CWH43: variants seen among roughly 807,000 people sequenced by gnomAD.
CWH43 encodes the protein PGAP2-interacting protein.
In CWH43, 91 loss-of-function variants were observed where a neutral mutation model predicts 85.7. The ratio of observed to expected loss-of-function variants is 1.06; its 90% CI spans 0.90 to 1.26. The LOEUF is 1.26. Ranked by LOEUF, CWH43 falls within the 50% of genes most tolerant of loss-of-function variation. The pLI is 0.00. For synonymous variants in CWH43, 323 were observed against 293.6 expected, an observed-to-expected ratio of 1.10 and a Z score of -1.02; for missense variants, 869 against 839.2, an observed-to-expected ratio of 1.04 and a Z score of -0.44.
rs557253382 is a variant in CWH43 at position 48,986,588 on chromosome 4, G to T, written c.43+116G>T. The T allele has an allele frequency of 2.0e-4, 301 of 1,515,548 alleles. 3 individuals carry two copies. In the East Asian group the frequency reaches 7.6e-3, roughly 38 times the overall value. 93.9% of individuals were successfully genotyped at this position (1,515,548 alleles called of 1,614,324 possible). A position where few individuals can be genotyped will look rare whatever the true frequency, so the allele number is the denominator to read the frequency against. On this transcript the variant is annotated intron_variant, in intron 1 of 15. Transcript: ENST00000226432. ...AGGTAGGAGGAAAAGGGCGCTCCGT[G>T]CCCAGAGTGGAGATGCTTATCGTCC... is the stretch of plus-strand genomic sequence containing the variant.
In CWH43 at chr4:49,017,306, A is replaced by G; in HGVS notation, c.1244A>G (p.Tyr415Cys). 1.9e-6 allele frequency: 3 copies of G among 1,611,748 alleles called. No individual in the cohort carries two copies. The highest frequency in any genetic ancestry group is 2.5e-6 in the Non-Finnish European group (3 of 1,178,540). The change falls in exon 9 of 16, where the codon TAT becomes TGT. Residue 415 changes from tyrosine (Y) to cysteine (C), a missense_variant. Physicochemically the swap from Tyr to Cys is radical, Grantham distance 194. Coordinates refer to ENST00000226432, the MANE Select transcript of CWH43 (RefSeq NM_025087.3). ...GGATTAGGACTACGGCATAAAGCCT[A>G]TGAGAGAAAACTGGGCAAAGTGGTA... Reference protein sequence around the residue: ...LLGLGLRHKAYERKLGKVAPT... With the variant: ...LLGLGLRHKACERKLGKVAPT...
intron 15 of CWH43, among the ~76,000 whole-genome samples, chr4:49,051,194 T>C (rs1784785682): frequency 6.6e-6 from 1 of 152,196 alleles, no homozygotes; most frequent in South Asian, 2.1e-4. Context: ...TTTTGTGTTG[T>C]CTCAATTAAT....
rs1397902689 is a variant in CWH43, at chr4:49,044,808, A to G, written c.1826A>G (p.Asp609Gly). The change falls in exon 14 of 16, where the codon GAC (aspartate) becomes GGC (glycine). Residue 609 changes from aspartate (D) to glycine (G), a missense_variant. Physicochemically the swap from Asp to Gly is moderately conservative, Grantham distance 94. This residue lies in a region of CWH43 where 577 missense variants were observed against 513.1 expected (regional missense o/e 1.12). Transcript: ENST00000226432. The part of the protein sequence containing the change: ...NVKDIDSTDH[D>G]RWCEYIMYRG... ...TAGGATATCGACAGCACTGATCATG[A>G]CAGATGGTGTGAATACATTATGTAT... The G allele has an allele frequency of 1.2e-6, 2 of 1,613,318 alleles. No individual in the cohort carries two copies. Among genetic ancestry groups the G allele is most frequent in the Non-Finnish European group, 1.7e-6 (2 of 1,179,508 alleles).
At chr4:49,027,048 G>T (rs1208336044) in intron 9 of CWH43, among the ~76,000 whole-genome samples, 6 of 152,210 alleles carry the variant, frequency 3.9e-5, no homozygotes, top group Non-Finnish European at 8.8e-5. Flanking sequence ...AGTGCCTCAA[G>T]CAGGAGAGTG....
At chr4:48,998,723 C>T (rs1429368701) in intron 6 of CWH43, among the ~76,000 whole-genome samples, 175 bp downstream of exon 6, 1 of 152,098 alleles carries the variant, frequency 6.6e-6, no homozygotes. Context: ...CCGGTGACTA[C>T]CTGCTCTGAG....
chr4:49,011,169 G>A (rs1290632132), intron 8 of CWH43, among the ~76,000 whole-genome samples: 2 of 152,122 alleles, frequency 1.3e-5, no homozygotes, highest in Non-Finnish European at 1.5e-5. Flanking sequence ...CCTGTATTAG[G>A]TGCATATATA....
chr4:49,058,947 C>T (rs1428697101), intron 15 of CWH43, among the ~76,000 whole-genome samples: 2 of 152,108 alleles, frequency 1.3e-5, no homozygotes, highest in Non-Finnish European at 2.9e-5. Context: ...TGGTAGCACT[C>T]TCTTTATATT....
chr4:48,997,727 TCTC>T (rs1444833059), intron 5 of CWH43, among the ~76,000 whole-genome samples: 1 of 152,092 alleles, frequency 6.6e-6, no homozygotes, highest in East Asian at 1.9e-4. Flanking sequence ...CCCCCAGAAT[TCTC>T]CTCTGCAAAA....
chr4:49,060,716 C>T (rs1458268446), intron 15 of CWH43, among the ~76,000 whole-genome samples: 3 of 152,178 alleles, frequency 2.0e-5, no homozygotes, highest in African/African-American at 7.2e-5. Context: ...AATCTCTCAT[C>T]TGAAATCTTT....
intron 13 of CWH43, 73 bp from the exon 14 acceptor site, chr4:49,044,713 C>T (rs1291571373): frequency 2.7e-6 from 3 of 1,124,726 alleles, no homozygotes; most frequent in Admixed American, 3.8e-5. Context: ...ATGTAGCTCA[C>T]ACATTTTTTG....
chr4:49,004,095 T>G, intron 7 of CWH43, 103 bp downstream of exon 7: 1 of 1,041,450 alleles, frequency 9.6e-7, no homozygotes, highest in Non-Finnish European at 1.3e-6. Flanking sequence ...ATAAGCAGGA[T>G]GATCTAGCTT....
chr4:49,058,609 C>A (rs1241973279), intron 15 of CWH43, among the ~76,000 whole-genome samples: 1 of 152,072 alleles, frequency 6.6e-6, no homozygotes, highest in African/African-American at 2.4e-5. Flanking sequence ...CCTTTCATTT[C>A]AACTTGAAAA....
At chr4:49,018,029 C>T (rs1440494667) in intron 9 of CWH43, among the ~76,000 whole-genome samples, 3 of 151,250 alleles carry the variant, frequency 2.0e-5, no homozygotes, top group East Asian at 1.9e-4. Context: ...TTAGTAGAGA[C>T]GGGTTTCACC....
intron 8 of CWH43, among the ~76,000 whole-genome samples, chr4:49,013,877 A>G (rs751435599): frequency 6.6e-6 from 1 of 152,174 alleles, no homozygotes; most frequent in African/African-American, 2.4e-5. Context: ...TTACTATTCA[A>G]TATAGTAAAC....
chr4:49,028,419 C>T (rs1783987390), intron 9 of CWH43, among the ~76,000 whole-genome samples: 1 of 152,180 alleles, frequency 6.6e-6, no homozygotes, highest in Non-Finnish European at 1.5e-5. Context: ...CTCCTAACTT[C>T]CAAACTTAAG....
intron 5 of CWH43, among the ~76,000 whole-genome samples, chr4:48,996,017 G>C (rs1782798831): frequency 1.3e-5 from 2 of 150,394 alleles, no homozygotes; most frequent in African/African-American, 2.5e-5. Context: ...GCAGGATCTG[G>C]CCCCCCTACT....
At position 48,994,708 on chromosome 4, in the gene CWH43, G is replaced by A. The variant is rs759013519; in HGVS notation, c.601G>A (p.Ala201Thr). 1.9e-5 allele frequency: 30 copies of A among 1,614,218 alleles called. No homozygotes were observed. The highest frequency in any genetic ancestry group is 2.5e-5 in the Non-Finnish European group (30 of 1,180,026). Reference protein sequence around the residue: ...SRPNWLLAGAAFGSLVFLTHW... With the variant: ...SRPNWLLAGATFGSLVFLTHW... ...ACCCAACTGGCTGCTGGCAGGGGCTGCTTTTGGTAGCCTTGTGTTCCTCAC... is the reference window on the plus strand; with the variant it reads ...ACCCAACTGGCTGCTGGCAGGGGCTACTTTTGGTAGCCTTGTGTTCCTCAC... Residue 201 changes from alanine to threonine, a missense_variant, in exon 5 of 16, where the codon GCT (alanine) becomes ACT (threonine). This residue lies in a region of CWH43 where 152 missense variants were observed against 203.6 expected (regional missense o/e 0.75). Transcript: ENST00000226432.
At position 49,007,224 on chromosome 4, in the gene CWH43, C is replaced by T. The variant is rs1233419248; in HGVS notation, c.1084C>T (p.Leu362=). 6.2e-7 allele frequency: 1 copy of T among 1,610,662 alleles called. No homozygotes were observed. Among genetic ancestry groups the T allele is most frequent in the Non-Finnish European group, 8.5e-7 (1 of 1,178,492 alleles). The part of the protein sequence containing the change: ...LLGTMMLIIG[L]NMLFGPKKNL... ...AGGGACAATGATGTTAATTATCGGG[C>T]TGAATATGCTATTTGGTCCTAAGAA... Residue 362 remains leucine (L), a synonymous_variant, in exon 8 of 16, where the codon CTG becomes TTG. Coordinates refer to ENST00000226432, the MANE Select transcript of CWH43 (RefSeq NM_025087.3).
In CWH43 at chr4:48,992,495, G is replaced by T. The variant is rs1037530417; in HGVS notation, c.511+405G>T. Among the ~76,000 whole-genome samples, 1 of 152,164 alleles carries T rather than the reference G, an allele frequency of 6.6e-6. No individual in the cohort carries two copies. The highest frequency in any genetic ancestry group is 2.1e-4 in the South Asian group (1 of 4,828). ...TAACACTAAGGAAAGTTTCTGTCAC[G>T]TATGGCTGTCACTGGAACTCCCTGG... On this transcript the variant is annotated intron_variant, in intron 4 of 15. Transcript: ENST00000226432. This position sits in a 1 kb window ranked among gnomAD's most constrained non-coding sequence, Gnocchi z 4.3.
Sources: gnomAD v4.1 joint callset for allele counts (sites outside exome capture counted in the v4.1 genomes callset) on GRCh38, gnomAD v4.1.1 for gene constraint, gnomAD v4.1.1 regional missense constraint, Gnocchi (gnomAD v3.1) non-coding constraint, MANE v1.5 for transcripts, NCBI Gene and HGNC (gene_info 2026-07-23, HGNC 2026-07-21) for gene names.